The following PITPNC1 variants were observed in gnomAD, a reference collection of about 807,000 sequenced individuals.
The protein encoded by PITPNC1 is phosphatidylinositol transfer protein cytoplasmic 1.
PITPNC1 carries 18 observed loss-of-function variants against 44.7 expected under a neutral mutation model. The ratio of observed to expected loss-of-function variants is 0.40; its 90% CI spans 0.28 to 0.60. The LOEUF is 0.60. PITPNC1 is among the 20% of genes least tolerant of loss of function. The pLI is 0.39. For synonymous variants in PITPNC1, 141 were observed against 149.6 expected (o/e 0.94, Z 0.42); for missense variants, 290 against 418.4 (o/e 0.69, Z 2.68).
chr17:67,486,696 T>TTTTCA (rs1421839273), intron 1 of PITPNC1, among the ~76,000 whole-genome samples: 2 of 152,086 alleles, frequency 1.3e-5, no homozygotes, highest in Admixed American at 6.5e-5. Flanking sequence ...TAACGAGGAA[T>TTTTCA]GTGGTTGACT....
At chr17:67,443,674 G>C (rs1163218987) in intron 1 of PITPNC1, among the ~76,000 whole-genome samples, 1 of 104,242 alleles carries the variant, frequency 9.6e-6, no homozygotes, top group Non-Finnish European at 1.8e-5. Flanking sequence ...TCACTCTTTT[G>C]ACCAGGCTGG....
chr17:67,578,346 C>A, intron 5 of PITPNC1, 89 bp downstream of exon 5: 1 of 872,260 alleles, frequency 1.1e-6, no homozygotes, highest in Non-Finnish European at 1.9e-6. Flanking sequence ...CCAGGGCCAG[C>A]AGTGGGACCT....
chr17:67,399,390 C>T (rs763348448), intron 1 of PITPNC1, among the ~76,000 whole-genome samples: 41 of 152,144 alleles, frequency 2.7e-4, no homozygotes, highest in Middle Eastern at 3.2e-3. Flanking sequence ...ATCTTCAAGG[C>T]TCTCGTCTCC....
At chr17:67,605,595 G>A (rs568860798) in intron 5 of PITPNC1, among the ~76,000 whole-genome samples, 1 of 152,288 alleles carries the variant, frequency 6.6e-6, no homozygotes, top group Admixed American at 6.5e-5. Flanking sequence ...TCTAAATTAT[G>A]TTAGTTGTAA....
chr17:67,398,709 T>C (rs1176638755), intron 1 of PITPNC1, among the ~76,000 whole-genome samples: 2 of 152,106 alleles, frequency 1.3e-5, no homozygotes, highest in South Asian at 2.1e-4. Flanking sequence ...GTTTGGCTTT[T>C]GGGAAGTGCT....
At chr17:67,432,500 T>C (rs1485466887) in intron 1 of PITPNC1, among the ~76,000 whole-genome samples, 1 of 151,962 alleles carries the variant, frequency 6.6e-6, no homozygotes, top group Admixed American at 6.6e-5. Context: ...TGAGACTCCG[T>C]CTCAAAATAA....
intron 1 of PITPNC1, among the ~76,000 whole-genome samples, chr17:67,527,138 C>T (rs576965058): frequency 7.8e-4 from 119 of 152,326 alleles, no homozygotes; most frequent in African/African-American, 2.7e-3. Context: ...TTTTGTTACT[C>T]ATCTTCTGCA....
Position 67,377,381 on chromosome 17 carries a change from G to A in PITPNC1, c.-774G>A, listed in dbSNP as rs1334516164. 1 of 152,280 alleles carries A rather than the reference G, an allele frequency of 6.6e-6. No individual in the cohort carries two copies. The highest frequency in any genetic ancestry group is 2.4e-5 in the African/African-American group (1 of 41,406). 9.4% of individuals were successfully genotyped at this position (152,280 alleles called of 1,614,324 possible). ...CGCGGGCACGCACGGCGCCCGGGGA[G>A]CCGAGGGACTCGGGGGAGGGGACGC... is the stretch of plus-strand genomic sequence containing the variant. On this transcript the variant is annotated 5_prime_UTR_variant, in exon 1 of 9. Transcript: ENST00000581322.
intron 6 of PITPNC1, among the ~76,000 whole-genome samples, chr17:67,654,825 G>A (rs1276812919): frequency 6.6e-6 from 1 of 152,050 alleles, no homozygotes; most frequent in Non-Finnish European, 1.5e-5. Context: ...AGTAGAGACG[G>A]GGTTTCACCA....
At chr17:67,467,127 C>T (rs1488651992) in intron 1 of PITPNC1, among the ~76,000 whole-genome samples, 1 of 137,088 alleles carries the variant, frequency 7.3e-6, no homozygotes, top group Non-Finnish European at 1.5e-5. Flanking sequence ...GACATGATCT[C>T]GGCTCACTCT....
intron 6 of PITPNC1, among the ~76,000 whole-genome samples, chr17:67,652,159 T>G (rs2042216256): frequency 1.3e-5 from 2 of 152,182 alleles, no homozygotes. Flanking sequence ...CTATTGCCCT[T>G]TGTGGTTCAA....
Position 67,692,607 on chromosome 17 carries a change from G to T in PITPNC1, c.718G>T (p.Ala240Ser), listed in dbSNP as rs770457262. The T allele has an allele frequency of 6.2e-7, 1 of 1,613,676 alleles. No homozygotes were observed. The highest frequency in any genetic ancestry group is 8.5e-7 in the Non-Finnish European group (1 of 1,179,648). The change falls in exon 9 of 9, where the codon GCC becomes TCC. Residue 240 changes from alanine to serine, a missense_variant. Coordinates refer to ENST00000581322, the MANE Select transcript of PITPNC1 (RefSeq NM_012417.4). Reference protein sequence around the residue: ...TMDEVREFERATQEATNKKIG... With the variant: ...TMDEVREFERSTQEATNKKIG... Reference sequence around the variant, plus strand: ...GGATGAAGTCCGAGAATTTGAACGAGCCACTCAGGAAGCCACCAACAAGAA... The same window carrying T: ...GGATGAAGTCCGAGAATTTGAACGATCCACTCAGGAAGCCACCAACAAGAA...
chr17:67,475,068 T>G (rs1450581715), intron 1 of PITPNC1, among the ~76,000 whole-genome samples: 1 of 152,222 alleles, frequency 6.6e-6, no homozygotes, highest in Non-Finnish European at 1.5e-5. Context: ...ACGCTATGGA[T>G]GAGGGAGGGC....
chr17:67,409,757 C>G (rs2038464168), intron 1 of PITPNC1, among the ~76,000 whole-genome samples: 1 of 152,030 alleles, frequency 6.6e-6, no homozygotes, highest in African/African-American at 2.4e-5. Context: ...AGGCTGGTCT[C>G]AAACTCCTGA....
intron 1 of PITPNC1, among the ~76,000 whole-genome samples, chr17:67,426,660 A>G (rs992291029): frequency 3.3e-5 from 5 of 152,272 alleles, no homozygotes; most frequent in Non-Finnish European, 5.9e-5. Flanking sequence ...AGGTGCAGCA[A>G]ACCACCATGG....
In PITPNC1 at chr17:67,430,403, G is replaced by A. The variant is rs1480975391; in HGVS notation, c.48+52201G>A. Among the ~76,000 whole-genome samples, 8 of 150,008 alleles carry A rather than the reference G, an allele frequency of 5.3e-5. No individual in the cohort carries two copies. The East Asian group carries it at 9.9e-4, about 19-fold the overall frequency. On this transcript the variant is annotated intron_variant, in intron 1 of 8. Coordinates refer to ENST00000581322, the MANE Select transcript of PITPNC1 (RefSeq NM_012417.4). ...CTTGGGAGGCTGAGGCAGGAGGATCGCTTGAACTCGGGAGGTGGAGGTTGC... is the reference window on the plus strand; with the variant it reads ...CTTGGGAGGCTGAGGCAGGAGGATCACTTGAACTCGGGAGGTGGAGGTTGC...
intron 1 of PITPNC1, among the ~76,000 whole-genome samples, chr17:67,421,153 T>C (rs2038667742): frequency 6.6e-6 from 1 of 152,172 alleles, no homozygotes; most frequent in Admixed American, 6.5e-5. Flanking sequence ...TAGTGAGAAC[T>C]TGGCAGGTGG....
At chr17:67,554,682 T>G (rs2040812215) in intron 4 of PITPNC1, among the ~76,000 whole-genome samples, 1 of 152,192 alleles carries the variant, frequency 6.6e-6, no homozygotes, top group Non-Finnish European at 1.5e-5. Context: ...GGCAGGAGCA[T>G]AGTACCCAAC....
intron 1 of PITPNC1, among the ~76,000 whole-genome samples, chr17:67,489,907 C>T (rs142524159): frequency 1.5e-4 from 23 of 152,142 alleles, no homozygotes; most frequent in African/African-American, 5.1e-4. Flanking sequence ...CCACGCCCGG[C>T]TAATTTTTGT....
Sources: allele counts gnomAD v4.1 joint callset (sites outside exome capture counted in the v4.1 genomes callset), GRCh38; gene constraint gnomAD v4.1.1; transcripts MANE v1.5; gene names NCBI Gene and HGNC (gene_info 2026-07-23, HGNC 2026-07-21).